Variants in VIT observed in about 807,000 individuals in gnomAD.
VIT encodes vitrin.
A neutral mutation model predicts 78.0 loss-of-function variants in VIT; 99 were observed. The ratio of observed to expected loss-of-function variants is 1.27; its 90% CI spans 1.08 to 1.50. The LOEUF (loss-of-function observed/expected upper bound fraction) is 1.50, where lower values mean the gene tolerates loss of function less well. Among genes scored for constraint, VIT ranks in the 40% most tolerant of loss-of-function variants. The pLI is 0.00. For missense variants in VIT, 1,126 were observed against 875.3 expected (o/e 1.29, Z -3.61); for synonymous variants, 374 against 334.3 (o/e 1.12, Z -1.29).
intron 1 of VIT, among the ~76,000 whole-genome samples, chr2:36,715,015 C>G (rs1276789277): frequency 6.6e-6 from 1 of 152,160 alleles, no homozygotes; most frequent in Non-Finnish European, 1.5e-5. Flanking sequence ...GCACTGTTCC[C>G]CCACTTGGAG....
At chr2:36,710,167 C>G (rs1479045674) in intron 1 of VIT, among the ~76,000 whole-genome samples, 2 of 152,168 alleles carry the variant, frequency 1.3e-5, no homozygotes, top group African/African-American at 2.4e-5. Flanking sequence ...ATAATGATAA[C>G]AACAATACTT....
intron 1 of VIT, among the ~76,000 whole-genome samples, chr2:36,711,486 T>C (rs1665793324): frequency 2.0e-5 from 3 of 152,220 alleles, no homozygotes; most frequent in Non-Finnish European, 4.4e-5. Context: ...GGCTTGACTT[T>C]GGGTATGTGA....
intron 9 of VIT, among the ~76,000 whole-genome samples, chr2:36,779,735 T>C (rs538521431): frequency 6.6e-6 from 1 of 152,308 alleles, no homozygotes; most frequent in South Asian, 2.1e-4. Flanking sequence ...CAACACTTCT[T>C]TTAGACCTGA....
chr2:36,721,047 T>C (rs996719098), intron 2 of VIT, among the ~76,000 whole-genome samples: 6 of 150,800 alleles, frequency 4.0e-5, no homozygotes, highest in Admixed American at 2.6e-4. Flanking sequence ...AGTTATAAGA[T>C]GAATATGTTC....
At chr2:36,783,431 G>C (rs3821147) in intron 11 of VIT, 29 bp downstream of exon 11, 2 of 1,610,952 alleles carry the variant, frequency 1.2e-6, no homozygotes, top group African/African-American at 2.7e-5. Context: ...AGAAACCCAC[G>C]GTGTCTTTGA....
chr2:36,759,759 C>T (rs1668993529), intron 6 of VIT: 3 of 761,714 alleles, frequency 3.9e-6, no homozygotes, highest in Non-Finnish European at 4.8e-6. Flanking sequence ...TGTTCATGTA[C>T]TTAAGGTGAA....
intron 1 of VIT, among the ~76,000 whole-genome samples, chr2:36,699,537 C>CAT (rs1664894601): frequency 2.2e-5 from 3 of 135,532 alleles, no homozygotes; most frequent in Non-Finnish European, 1.7e-5. Context: ...TATACACACA[C>CAT]ATATATATAG....
intron 1 of VIT, among the ~76,000 whole-genome samples, chr2:36,700,031 T>G (rs10865115): frequency 0.65 from 98,057 of 151,862 alleles, 32,806 homozygotes; most frequent in Non-Finnish European, 0.75. Flanking sequence ...TTTTTTTAAT[T>G]ATATGTGACT....
intron 4 of VIT, among the ~76,000 whole-genome samples, chr2:36,750,455 T>C (rs950266303): frequency 1.3e-5 from 2 of 152,218 alleles, no homozygotes; most frequent in Non-Finnish European, 2.9e-5. Flanking sequence ...GCTGGGTCTC[T>C]CTTGCACTTT....
chr2:36,697,578 G>T (rs1664757496), intron 1 of VIT, among the ~76,000 whole-genome samples: 1 of 152,218 alleles, frequency 6.6e-6, no homozygotes, highest in African/African-American at 2.4e-5. Flanking sequence ...GGCTGGCATT[G>T]TTAAGTCTGC....
chr2:36,767,155 T>G lies in VIT; in HGVS notation c.549T>G (p.Thr183=). 1 of 1,610,730 alleles carries G rather than the reference T, an allele frequency of 6.2e-7. No homozygotes were observed. The highest frequency in any genetic ancestry group is 8.5e-7 in the Non-Finnish European group (1 of 1,178,738). Residue 183 remains threonine (T), a synonymous_variant, in exon 7 of 16, where the codon ACT becomes ACG. Transcript: ENST00000379242. ...PIPGTTAQPV[T]LMQLLAVTVA... is the part of the protein sequence containing the mutation. ...CAGGGACAACTGCACAGCCGGTCACTCTGATGCAGCTTCTGGCTGTCACTG... is the reference window on the plus strand; with the variant it reads ...CAGGGACAACTGCACAGCCGGTCACGCTGATGCAGCTTCTGGCTGTCACTG...
At chr2:36,699,726 T>A (rs1455469284) in intron 1 of VIT, among the ~76,000 whole-genome samples, 1 of 152,084 alleles carries the variant, frequency 6.6e-6, no homozygotes, top group African/African-American at 2.4e-5. Flanking sequence ...ATGAAAGACT[T>A]TTTTCAGCTT....
chr2:36,711,021 C>A (rs1209403875), intron 1 of VIT, among the ~76,000 whole-genome samples: 1 of 152,158 alleles, frequency 6.6e-6, no homozygotes, highest in Non-Finnish European at 1.5e-5. Context: ...ACCATTTTAC[C>A]TTCCTGTTAG....
intron 2 of VIT, among the ~76,000 whole-genome samples, chr2:36,723,600 G>A (rs1353380403): frequency 1.3e-5 from 2 of 152,086 alleles, no homozygotes; most frequent in Non-Finnish European, 2.9e-5. Flanking sequence ...TTTTCTCTAT[G>A]CATTAAACAA....
At position 36,746,788 on chromosome 2, in the gene VIT, A is replaced by T. The variant is rs79362421; in HGVS notation, c.275+3532A>T. ...TTGATGTTTTATATGGATTTTCACA[A>T]TTCAGTTTCATTCAGTTCTGCTCTA... On this transcript the variant is annotated intron_variant, in intron 4 of 15. Coordinates refer to ENST00000379242, the MANE Select transcript of VIT (RefSeq NM_053276.4). 4.0e-3 allele frequency among the ~76,000 whole-genome samples: 616 copies of T among 152,106 alleles called. 3 individuals carry two copies. Among genetic ancestry groups the T allele is most frequent in the African/African-American group, 0.014 (588 of 41,548 alleles).
intron 4 of VIT, among the ~76,000 whole-genome samples, chr2:36,749,004 T>C (rs781360967): frequency 5.9e-5 from 9 of 152,182 alleles, no homozygotes; most frequent in Non-Finnish European, 1.2e-4. Flanking sequence ...GACCTTACTG[T>C]GGAGGGATGA....
intron 8 of VIT, chr2:36,774,610 A>T (rs1669943279): frequency 1.0e-6 from 1 of 985,334 alleles, no homozygotes; most frequent in Non-Finnish European, 1.2e-6. Flanking sequence ...GCTACTGGAT[A>T]GGAACAGGGG....
At chr2:36,697,230 A>G (rs1664734053) in intron 1 of VIT, among the ~76,000 whole-genome samples, 1 of 152,222 alleles carries the variant, frequency 6.6e-6, no homozygotes, top group African/African-American at 2.4e-5. Context: ...CTTTAAACCA[A>G]TTTAATTATG....
At chr2:36,753,409 T>G (rs915791445) in intron 4 of VIT, among the ~76,000 whole-genome samples, 1 of 152,182 alleles carries the variant, frequency 6.6e-6, no homozygotes, top group Non-Finnish European at 1.5e-5. Context: ...AAAGCAGGTG[T>G]CCGCGGCACC....
Sources: allele counts gnomAD v4.1 joint callset (sites outside exome capture counted in the v4.1 genomes callset), GRCh38; gene constraint gnomAD v4.1.1; transcripts MANE v1.5; gene names NCBI Gene and HGNC (gene_info 2026-07-23, HGNC 2026-07-21).